ELFN1: variants seen among roughly 807,000 people sequenced by gnomAD.
ELFN1 encodes extracellular leucine rich repeat and fibronectin type III domain containing 1, also known as protein ELFN1.
In ELFN1, 6 loss-of-function variants were observed where a neutral mutation model predicts 7.6. The observed-to-expected ratio is 0.79, with a 90% CI of 0.43 to 1.56. The LOEUF is 1.56. Among genes scored for constraint, ELFN1 ranks in the 40% most tolerant of loss-of-function variants. ELFN1 has a pLI of 0.01. For synonymous variants in ELFN1, 657 were observed against 588.1 expected, an observed-to-expected ratio of 1.12 and a Z score of -1.70; for missense variants, 1,169 against 1,232.2, an observed-to-expected ratio of 0.95 and a Z score of 0.77.
At chr7:1,713,938 G>A (rs897323640) in intron 3 of ELFN1, among the ~76,000 whole-genome samples, 3 of 151,934 alleles carry the variant, frequency 2.0e-5, no homozygotes, top group South Asian at 2.1e-4. Flanking sequence ...GGTGACAGGC[G>A]GCTGTGGCTG....
Position 1,747,175 on chromosome 7 carries a change from C to A in ELFN1, c.*92C>A. 1 of 1,341,922 alleles carries A rather than the reference C, an allele frequency of 7.5e-7. No individual in the cohort carries two copies. Among genetic ancestry groups the A allele is most frequent in the Non-Finnish European group, 9.8e-7 (1 of 1,021,946 alleles). The allele number at this position is 1,341,922 out of a possible 1,614,324, so 83.1% of individuals were successfully genotyped here. ...CAAACCCAACACACGCACGCCACCACAGCAACTGTGACAGCGGGGGGCCCT... is the reference window on the plus strand; with the variant it reads ...CAAACCCAACACACGCACGCCACCAAAGCAACTGTGACAGCGGGGGGCCCT... On this transcript the variant is annotated 3_prime_UTR_variant, in exon 4 of 4. Coordinates refer to ENST00000424383, the MANE Select transcript of ELFN1 (RefSeq NM_001128636.4).
At chr7:1,729,458 C>T (rs1780278956) in intron 3 of ELFN1, among the ~76,000 whole-genome samples, 1 of 152,216 alleles carries the variant, frequency 6.6e-6, no homozygotes, top group Non-Finnish European at 1.5e-5. Flanking sequence ...CTCGATGGGA[C>T]CACACCCCCC....
intron 2 of ELFN1, among the ~76,000 whole-genome samples, chr7:1,701,255 G>A (rs1362716555): frequency 2.6e-5 from 4 of 152,096 alleles, no homozygotes; most frequent in Middle Eastern, 3.4e-3. Context: ...GTGGGATCAC[G>A]GCTCACTGCA....
In ELFN1 at chr7:1,695,761, A is replaced by C. The variant is rs1047934989; in HGVS notation, c.-456+7611A>C. 5.3e-5 allele frequency among the ~76,000 whole-genome samples: 8 copies of C among 150,642 alleles called. No homozygotes were observed. The highest frequency in any genetic ancestry group is 4.4e-5 in the Non-Finnish European group (3 of 67,824). On this transcript the variant is annotated intron_variant, in intron 2 of 3. Transcript: ENST00000424383. The surrounding 1 kb of genome is among the most constrained non-coding windows in gnomAD (Gnocchi z 5.1). ...AGACTCCGTGTCAAAAAAAAAAAAA[A>C]AAAAAAAAAAACCGTGCTGGTTTGG...
chr7:1,707,572 C>T (rs1779561824), intron 2 of ELFN1, among the ~76,000 whole-genome samples: 1 of 152,162 alleles, frequency 6.6e-6, no homozygotes, highest in African/African-American at 2.4e-5. Flanking sequence ...GGCAGGGCGG[C>T]TCACAGAGCA....
At chr7:1,674,840 G>C (rs1194791907) in intron 1 of ELFN1, among the ~76,000 whole-genome samples, 2 of 152,132 alleles carry the variant, frequency 1.3e-5, no homozygotes. Flanking sequence ...AGGCACAGCC[G>C]GGCGGGAAAC....
Position 1,705,164 on chromosome 7 carries a change from C to A in ELFN1, c.-455-3927C>A, listed in dbSNP as rs1411005265. 6.6e-6 allele frequency among the ~76,000 whole-genome samples: 1 copy of A among 152,138 alleles called. No homozygotes were observed. The highest frequency in any genetic ancestry group is 1.5e-5 in the Non-Finnish European group (1 of 68,006). ...AGGGCTGCAGGTCACACCCACAGGG[C>A]CAAGGGGTGGGCAGCATGGAGGTGC... On this transcript the variant is annotated intron_variant, in intron 2 of 3. Coordinates refer to ENST00000424383, the MANE Select transcript of ELFN1 (RefSeq NM_001128636.4). The surrounding 1 kb of genome is among the most constrained non-coding windows in gnomAD (Gnocchi z 4.3).
At position 1,726,523 on chromosome 7, in the gene ELFN1, G is replaced by A. The variant is rs963149756; in HGVS notation, c.-294+17271G>A. ...CGAGGCCTCACGCCCACCAGAGTGTGCTCCCCGGGGTCCCTGGATCCCCTG... is the reference window on the plus strand; with the variant it reads ...CGAGGCCTCACGCCCACCAGAGTGTACTCCCCGGGGTCCCTGGATCCCCTG... On this transcript the variant is annotated intron_variant, in intron 3 of 3. Transcript: ENST00000424383. 3.3e-5 allele frequency among the ~76,000 whole-genome samples: 5 copies of A among 152,340 alleles called. No homozygotes were observed. In the East Asian group the frequency reaches 9.7e-4, roughly 29 times the overall value.
chr7:1,693,837 C>A (rs756413093), intron 2 of ELFN1: 1 of 463,172 alleles, frequency 2.2e-6, no homozygotes, highest in South Asian at 1.6e-5. Context: ...CTGGGCCAAT[C>A]GGGGTTCCTG....
intron 3 of ELFN1, among the ~76,000 whole-genome samples, chr7:1,727,567 A>T (rs1291786494): frequency 6.6e-6 from 1 of 151,950 alleles, no homozygotes; most frequent in Admixed American, 6.5e-5. Flanking sequence ...TCATTTCCTC[A>T]TTCAATTCGA....
intron 2 of ELFN1, among the ~76,000 whole-genome samples, chr7:1,703,847 C>A (rs1443460215): frequency 6.6e-6 from 1 of 152,190 alleles, no homozygotes; most frequent in Non-Finnish European, 1.5e-5. Flanking sequence ...GTTTGAGACT[C>A]GGTTTCCCAG....
chr7:1,669,632 A>G (rs929518307), upstream of ELFN1, among the ~76,000 whole-genome samples: 2 of 152,210 alleles, frequency 1.3e-5, no homozygotes, highest in Non-Finnish European at 2.9e-5. Context: ...TGAGCCGAAG[A>G]GTGCTCCAGA....
intron 2 of ELFN1, chr7:1,693,696 A>G (rs138511977): frequency 5.7e-5 from 27 of 470,864 alleles, no homozygotes; most frequent in Non-Finnish European, 1.1e-4. Flanking sequence ...GTGTCTACAG[A>G]CAGCTGTGTG....
At chr7:1,700,822 C>G (rs1779411212) in intron 2 of ELFN1, among the ~76,000 whole-genome samples, 1 of 152,236 alleles carries the variant, frequency 6.6e-6, no homozygotes, top group African/African-American at 2.4e-5. Flanking sequence ...GTCCTGGTAT[C>G]TTACCAAGCT....
chr7:1,679,400 A>G (rs1778933954), intron 1 of ELFN1, among the ~76,000 whole-genome samples: 2 of 152,054 alleles, frequency 1.3e-5, no homozygotes, highest in Admixed American at 1.3e-4. Context: ...TGGCCTGACC[A>G]TCTGGGCCGT....
At chr7:1,688,833 C>A (rs375503912) in intron 2 of ELFN1, among the ~76,000 whole-genome samples, 1 of 152,138 alleles carries the variant, frequency 6.6e-6, no homozygotes. Flanking sequence ...CCTTTTATAG[C>A]CATGCCCCCT....
At chr7:1,701,665 A>T (rs1251720511) in intron 2 of ELFN1, among the ~76,000 whole-genome samples, 1 of 152,066 alleles carries the variant, frequency 6.6e-6, no homozygotes, top group Non-Finnish European at 1.5e-5. Context: ...AATGGAGCAC[A>T]GATGTGCATG....
chr7:1,690,025 C>A (rs1455256775), intron 2 of ELFN1, among the ~76,000 whole-genome samples: 2 of 152,198 alleles, frequency 1.3e-5, no homozygotes, highest in African/African-American at 4.8e-5. Flanking sequence ...ACATTCCCTT[C>A]TTGACATATG....
intron 2 of ELFN1, among the ~76,000 whole-genome samples, chr7:1,708,253 G>T (rs1201072057): frequency 6.6e-6 from 1 of 152,244 alleles, no homozygotes; most frequent in Non-Finnish European, 1.5e-5. Context: ...TGGGGATCAG[G>T]TGCCACCTCG....
Sources: gnomAD v4.1 joint callset for allele counts (sites outside exome capture counted in the v4.1 genomes callset) on GRCh38, gnomAD v4.1.1 for gene constraint, Gnocchi (gnomAD v3.1) non-coding constraint, MANE v1.5 for transcripts, NCBI Gene and HGNC (gene_info 2026-07-23, HGNC 2026-07-21) for gene names.